The following CNTNAP5 variants were observed in gnomAD, a reference collection of about 807,000 sequenced individuals.
The protein encoded by CNTNAP5 is contactin associated protein family member 5, also known as contactin-associated protein-like 5.
Under a neutral mutation model 150.2 loss-of-function variants are expected in CNTNAP5, and 72 were observed. The ratio of observed to expected loss-of-function variants is 0.48; its 90% CI spans 0.40 to 0.58. The LOEUF is 0.58. CNTNAP5 is among the 20% of genes least tolerant of loss of function. The pLI, the probability that CNTNAP5 is intolerant of heterozygous loss-of-function variation, is 0.00. For synonymous variants in CNTNAP5, 672 were observed against 619.8 expected (o/e 1.08, Z -1.25); for missense variants, 1,636 against 1,626.2 (o/e 1.01, Z -0.10).
chr2:124,747,150 T>C, intron 13 of CNTNAP5, 79 bp from the exon 14 acceptor site: 1 of 1,382,772 alleles, frequency 7.2e-7, no homozygotes, highest in Non-Finnish European at 1.0e-6. Flanking sequence ...CCAAGATATT[T>C]TCAGCTCAGT....
At position 124,352,709 on chromosome 2, in the gene CNTNAP5, A is replaced by G. The variant is rs565579695; in HGVS notation, c.382-64734A>G. ...TAAAACCTGTGGTTTAATAAGCACAATTCTGAATAGAAGTTTAGCTTCCAG... is the reference window on the plus strand; with the variant it reads ...TAAAACCTGTGGTTTAATAAGCACAGTTCTGAATAGAAGTTTAGCTTCCAG... On this transcript the variant is annotated intron_variant, in intron 3 of 23. Coordinates refer to ENST00000682447, the MANE Select transcript of CNTNAP5 (RefSeq NM_001367498.1). 9.2e-5 allele frequency among the ~76,000 whole-genome samples: 14 copies of G among 152,318 alleles called. No homozygotes were observed. The East Asian group carries it at 1.5e-3, about 17-fold the overall frequency.
intron 2 of CNTNAP5, among the ~76,000 whole-genome samples, chr2:124,225,164 C>T (rs771495765): frequency 5.3e-5 from 8 of 152,052 alleles, no homozygotes; most frequent in Admixed American, 3.9e-4. Context: ...TGCCTGGCAG[C>T]GCACAACTAA....
chr2:124,887,271 C>T (rs1428114287), intron 21 of CNTNAP5, among the ~76,000 whole-genome samples: 5 of 152,084 alleles, frequency 3.3e-5, no homozygotes, highest in Middle Eastern at 3.2e-3. Flanking sequence ...CACTTTGAAA[C>T]ATGGGCCTTT....
At chr2:124,799,940 T>C (rs1206750497) in intron 19 of CNTNAP5, among the ~76,000 whole-genome samples, 4 of 152,168 alleles carry the variant, frequency 2.6e-5, no homozygotes, top group Admixed American at 2.0e-4. Context: ...GGAAACACTA[T>C]GGGTAATTAG....
At position 124,902,968 on chromosome 2, in the gene CNTNAP5, G is replaced by A. The variant is rs886996253; in HGVS notation, c.3523G>A (p.Ala1175Thr). Residue 1175 changes from alanine to threonine, a missense_variant, in exon 22 of 24, where the codon GCA becomes ACA. Coordinates refer to ENST00000682447, the MANE Select transcript of CNTNAP5 (RefSeq NM_001367498.1). ...CMSSVQYNHIAPLKAALRHAT... is the reference protein window; with the variant it reads ...CMSSVQYNHITPLKAALRHAT... ...GTCTTCCGTCCAGTACAACCACATA[G>A]CACCACTGAAGGCTGCCCTGCGCCA... 1 of 1,613,122 alleles carries A rather than the reference G, an allele frequency of 6.2e-7. No homozygotes were observed. The highest frequency in any genetic ancestry group is 1.1e-5 in the South Asian group (1 of 90,946).
intron 12 of CNTNAP5, among the ~76,000 whole-genome samples, chr2:124,638,048 A>G (rs1325561540): frequency 1.3e-5 from 2 of 151,896 alleles, no homozygotes; most frequent in Admixed American, 1.3e-4. Flanking sequence ...GGGCAGAACT[A>G]AAATTGTGTG....
chr2:124,411,219 A>C (rs1573975836), intron 3 of CNTNAP5, among the ~76,000 whole-genome samples: 2 of 152,206 alleles, frequency 1.3e-5, no homozygotes, highest in African/African-American at 4.8e-5. Context: ...CAGGAGCTGA[A>C]ATTGTGGCAA....
At chr2:124,492,261 G>T (rs748021050) in intron 7 of CNTNAP5, among the ~76,000 whole-genome samples, 7 of 152,130 alleles carry the variant, frequency 4.6e-5, no homozygotes, top group Non-Finnish European at 8.8e-5. Context: ...TTATATTTAA[G>T]TCTGTAATAC....
chr2:124,608,436 C>G (rs1677302234), intron 11 of CNTNAP5, among the ~76,000 whole-genome samples: 1 of 152,160 alleles, frequency 6.6e-6, no homozygotes, highest in African/African-American at 2.4e-5. Flanking sequence ...GAACCTGCCT[C>G]TATCTGAGCA....
intron 13 of CNTNAP5, among the ~76,000 whole-genome samples, chr2:124,706,792 AAGAAGGAGG>A (rs1420570064): frequency 2.0e-4 from 5 of 24,566 alleles, no homozygotes; most frequent in African/African-American, 6.3e-4. Flanking sequence ...GAAGAAGAAG[AAGAAGGAGG>A]AGGAGGAGGA....
At chr2:124,909,109 A>G (rs1402904777) in intron 22 of CNTNAP5, among the ~76,000 whole-genome samples, 3 of 152,142 alleles carry the variant, frequency 2.0e-5, no homozygotes, top group Non-Finnish European at 4.4e-5. Context: ...GTAGCAGTGT[A>G]GAGTAATGTC....
At chr2:124,812,135 T>TATATATTATATAATATATAATTTATA (rs1491249212) in intron 19 of CNTNAP5, among the ~76,000 whole-genome samples, 1 of 19,406 alleles carries the variant, frequency 5.2e-5, no homozygotes, top group African/African-American at 1.2e-4. Context: ...ATAATTTATA[T>TATATATTATATAATATATAATTTATA]TTATATATTA....
chr2:124,610,402 T>G (rs1677354278), intron 12 of CNTNAP5, among the ~76,000 whole-genome samples: 1 of 152,180 alleles, frequency 6.6e-6, no homozygotes, highest in African/African-American at 2.4e-5. Context: ...CCCCCAGAGC[T>G]GTGAGAATTA....
chr2:124,548,130 TGGAA>T (rs1341794737), intron 10 of CNTNAP5, among the ~76,000 whole-genome samples: 8 of 152,190 alleles, frequency 5.3e-5, no homozygotes, highest in Non-Finnish European at 1.2e-4. Flanking sequence ...ACATTAATTG[TGGAA>T]GGAAGGATTT....
At chr2:124,814,171 A>T (rs1205800821) in intron 19 of CNTNAP5, among the ~76,000 whole-genome samples, 2 of 150,904 alleles carry the variant, frequency 1.3e-5, no homozygotes, top group African/African-American at 2.4e-5. Context: ...AGTTGTGCTC[A>T]GATGATTGGA....
At chr2:124,559,924 TC>T (rs922180145) in intron 10 of CNTNAP5, among the ~76,000 whole-genome samples, 3 of 152,292 alleles carry the variant, frequency 2.0e-5, no homozygotes, top group South Asian at 4.1e-4. Context: ...TATTATTTTT[TC>T]TTTCTCATTC....
At chr2:124,395,949 C>T (rs908752760) in intron 3 of CNTNAP5, among the ~76,000 whole-genome samples, 2 of 152,082 alleles carry the variant, frequency 1.3e-5, no homozygotes, top group Non-Finnish European at 2.9e-5. Context: ...GCAATGTGCC[C>T]CAGAGTCCAT....
In CNTNAP5 at chr2:124,706,865, A is replaced by G. The variant is rs1310810809; in HGVS notation, c.2078-40364A>G. Among the ~76,000 whole-genome samples the G allele has an allele frequency of 1.1e-4, 14 of 129,346 alleles. 1 individual carries two copies. Among genetic ancestry groups the G allele is most frequent in the African/African-American group, 1.5e-4 (5 of 32,570 alleles). 84.9% of individuals were successfully genotyped at this position (129,346 alleles called of 152,430 possible). A position where few individuals can be genotyped will look rare whatever the true frequency, so the allele number is the denominator to read the frequency against. ...GAGGAAGGAGGAGGAGGAGAAGGAGAAGGGGAAAGGGAAGAAGAAGAGGAA... is the reference window on the plus strand; with the variant it reads ...GAGGAAGGAGGAGGAGGAGAAGGAGGAGGGGAAAGGGAAGAAGAAGAGGAA... On this transcript the variant is annotated intron_variant, in intron 13 of 23. Transcript: ENST00000682447.
intron 7 of CNTNAP5, among the ~76,000 whole-genome samples, chr2:124,487,910 T>C (rs1693927025): frequency 1.3e-5 from 2 of 152,064 alleles, no homozygotes; most frequent in Admixed American, 1.3e-4. Context: ...GCAACCCTCA[T>C]GCACACTACA....
Sources: allele counts gnomAD v4.1 joint callset (sites outside exome capture counted in the v4.1 genomes callset), GRCh38; gene constraint gnomAD v4.1.1; transcripts MANE v1.5; gene names NCBI Gene and HGNC (gene_info 2026-07-23, HGNC 2026-07-21).